Variants in ABCB1 observed in about 807,000 individuals in gnomAD.
The protein encoded by ABCB1 is ATP-dependent translocase ABCB1.
Under a neutral mutation model 142.0 loss-of-function variants are expected in ABCB1, and 69 were observed. That is an observed-to-expected ratio of 0.49 (90% CI 0.40 to 0.59). ABCB1 has a LOEUF of 0.59. Ranked by LOEUF, ABCB1 falls within the 20% of genes least tolerant of loss-of-function variation. The pLI is 0.00. For missense variants in ABCB1, 1,326 were observed against 1,554.7 expected (o/e 0.85, Z 2.47); for synonymous variants, 532 against 539.2 (o/e 0.99, Z 0.18).
intron 21 of ABCB1, chr7:87,522,146 G>T (rs1273480896): frequency 1.0e-5 from 15 of 1,439,220 alleles, no homozygotes; most frequent in Non-Finnish European, 1.4e-5. Flanking sequence ...TGTGGCTTTG[G>T]TGGCAGCTGT....
intron 1 of ABCB1, chr7:87,628,868 T>TGGCGGCGGA: frequency 2.3e-6 from 3 of 1,282,432 alleles, no homozygotes; most frequent in Non-Finnish European, 3.0e-6. Context: ...TCCGCGGCGG[T>TGGCGGCGGA]GGCGGCGGAG....
intron 1 of ABCB1, among the ~76,000 whole-genome samples, chr7:87,652,957 A>G (rs1164264428): frequency 2.0e-5 from 3 of 152,030 alleles, no homozygotes; most frequent in Non-Finnish European, 4.4e-5. Flanking sequence ...TGTTTTCAAC[A>G]TTAAACTTTT....
chr7:87,698,775 A>G (rs1311864719), intron 1 of ABCB1, among the ~76,000 whole-genome samples: 2 of 152,206 alleles, frequency 1.3e-5, no homozygotes, highest in African/African-American at 4.8e-5. Context: ...TGAAATAATC[A>G]AGTAAAGAAA....
chr7:87,660,142 A>G (rs1420393685), intron 1 of ABCB1, among the ~76,000 whole-genome samples: 1 of 151,876 alleles, frequency 6.6e-6, no homozygotes, highest in Non-Finnish European at 1.5e-5. Context: ...TCTTTTTTTC[A>G]TTCTTTGGGA....
Position 87,585,650 on chromosome 7 carries a change from A to G in ABCB1, c.148T>C (p.Tyr50His). 1 of 1,613,938 alleles carries G rather than the reference A, an allele frequency of 6.2e-7. No homozygotes were observed. Among genetic ancestry groups the G allele is most frequent in the Non-Finnish European group, 8.5e-7 (1 of 1,179,898 alleles). ...FRYSNWLDKL[Y>H]MVVGTLAAII... ...GCAGCCAAAGTTCCCACCACCATATACAACTTGTCAAGCCAATTTGAATAG... is the reference window on the plus strand; with the variant it reads ...GCAGCCAAAGTTCCCACCACCATATGCAACTTGTCAAGCCAATTTGAATAG... The change falls in exon 4 of 28, where the codon TAT (tyrosine) becomes CAT (histidine). Residue 50 changes from tyrosine (Y) to histidine (H), a missense_variant. Tyr to His is a moderately conservative substitution (Grantham distance 83). Coordinates refer to ENST00000622132, the MANE Select transcript of ABCB1 (RefSeq NM_001348946.2).
chr7:87,594,496 A>G (rs1354380495), intron 3 of ABCB1, among the ~76,000 whole-genome samples: 2 of 152,200 alleles, frequency 1.3e-5, no homozygotes, highest in African/African-American at 4.8e-5. Flanking sequence ...TAAGACTCCT[A>G]AGGTTTAAAA....
In ABCB1 at chr7:87,515,383, A is replaced by G. The variant is rs1815190301; in HGVS notation, c.3130T>C (p.Tyr1044His). Reference sequence around the variant, plus strand: ...ACTGGGATGTCCGGTCGGGTGGGATAGTTGAATACAACTTCACCAAATGTG... The same window carrying G: ...ACTGGGATGTCCGGTCGGGTGGGATGGTTGAATACAACTTCACCAAATGTG... ...NVTFGEVVFN[Y>H]PTRPDIPVLQ... Residue 1044 changes from tyrosine (Y) to histidine (H), a missense_variant, in exon 25 of 28, where the codon TAT becomes CAT. By Grantham distance (83) the Tyr-to-His change is moderately conservative. Transcript: ENST00000622132. The G allele has an allele frequency of 6.2e-7, 1 of 1,614,028 alleles. No individual in the cohort carries two copies.
intron 22 of ABCB1, among the ~76,000 whole-genome samples, chr7:87,519,843 C>T (rs1815415384): frequency 6.6e-6 from 1 of 152,188 alleles, no homozygotes; most frequent in Admixed American, 6.5e-5. Flanking sequence ...CACACAGTTA[C>T]CCAACACCTA....
At chr7:87,639,419 A>G (rs1822205242) in intron 1 of ABCB1, among the ~76,000 whole-genome samples, 1 of 152,088 alleles carries the variant, frequency 6.6e-6, no homozygotes, top group African/African-American at 2.4e-5. Flanking sequence ...TAGTGTTTTA[A>G]TTGCCTTGTT....
intron 1 of ABCB1, among the ~76,000 whole-genome samples, chr7:87,634,423 A>G (rs1315882122): frequency 7.0e-6 from 1 of 142,788 alleles, no homozygotes; most frequent in Non-Finnish European, 1.5e-5. Context: ...AGAGTTCGAG[A>G]CCAGCCTGGC....
chr7:87,561,077 A>G (rs2129776816), intron 8 of ABCB1, among the ~76,000 whole-genome samples, 186 bp downstream of exon 8: 1 of 152,360 alleles, frequency 6.6e-6, no homozygotes, highest in Non-Finnish European at 1.5e-5. Flanking sequence ...GAATTAGCAG[A>G]TAAAAGAAAA....
chr7:87,506,454 A>T (rs1814749233), intron 26 of ABCB1, among the ~76,000 whole-genome samples: 1 of 152,202 alleles, frequency 6.6e-6, no homozygotes, highest in Non-Finnish European at 1.5e-5. Context: ...TCTCTGCATG[A>T]TTTTAAATTG....
chr7:87,617,901 C>A (rs118182600), intron 1 of ABCB1, among the ~76,000 whole-genome samples: 419 of 152,270 alleles, frequency 2.8e-3, no homozygotes, highest in Non-Finnish European at 4.6e-3. Context: ...TCTGTCTAGC[C>A]ATACTCTCCT....
intron 1 of ABCB1, among the ~76,000 whole-genome samples, chr7:87,688,596 C>T (rs115673637): frequency 8.5e-4 from 129 of 151,372 alleles, no homozygotes; most frequent in African/African-American, 3.0e-3. Context: ...CTTTTTTCTC[C>T]GTTGATTAGT....
At chr7:87,571,638 T>G (rs1818061664) in intron 4 of ABCB1, among the ~76,000 whole-genome samples, 2 of 152,166 alleles carry the variant, frequency 1.3e-5, no homozygotes, top group South Asian at 4.1e-4. Flanking sequence ...AATGCTAGTG[T>G]CATGGTGGGA....
intron 21 of ABCB1, among the ~76,000 whole-genome samples, chr7:87,526,581 A>T (rs1230104785): frequency 6.6e-6 from 1 of 152,090 alleles, no homozygotes; most frequent in Non-Finnish European, 1.5e-5. Context: ...AATTAGAGAC[A>T]TGTTTAGGAG....
At chr7:87,589,609 C>T (rs1349582507) in intron 3 of ABCB1, among the ~76,000 whole-genome samples, 3 of 151,894 alleles carry the variant, frequency 2.0e-5, no homozygotes, top group Non-Finnish European at 1.5e-5. Context: ...ACATAGGAGA[C>T]CCTCTCTCTA....
intron 3 of ABCB1, among the ~76,000 whole-genome samples, chr7:87,590,158 A>G (rs1251714306): frequency 1.3e-5 from 2 of 152,216 alleles, no homozygotes; most frequent in Non-Finnish European, 2.9e-5. Context: ...TAATAAGGTC[A>G]GGCTTGGTTC....
In ABCB1 at chr7:87,550,842, A is replaced by C; in HGVS notation, c.1000-4T>G. 6.3e-7 allele frequency: 1 copy of C among 1,574,920 alleles called. No individual in the cohort carries two copies. The highest frequency in any genetic ancestry group is 1.7e-5 in the Admixed American group (1 of 59,984). On this transcript the variant is annotated splice_polypyrimidine_tract_variant and splice_region_variant and intron_variant, in intron 9 of 27. Transcript: ENST00000622132. The stretch of plus-strand genomic sequence containing the variant: ...CAATTAATACAGAAAAGAATACCTG[A>C]GGAATGTGAAGAAAAACCATCAGGC...
Sources: gnomAD v4.1 joint callset for allele counts (sites outside exome capture counted in the v4.1 genomes callset) on GRCh38, gnomAD v4.1.1 for gene constraint, MANE v1.5 for transcripts, NCBI Gene and HGNC (gene_info 2026-07-23, HGNC 2026-07-21) for gene names.